Variants in DMD observed in about 807,000 individuals in gnomAD.
The protein encoded by DMD is mutant dystrophin.
A neutral mutation model predicts 330.1 loss-of-function variants in DMD; 63 were observed. The observed-to-expected ratio is 0.19, with a 90% CI of 0.16 to 0.24. The LOEUF (loss-of-function observed/expected upper bound fraction) is 0.24, where lower values mean the gene tolerates loss of function less well. DMD is among the 10% of genes least tolerant of loss of function. The pLI, the probability that DMD is intolerant of heterozygous loss-of-function variation, is 1.00. For missense variants in DMD, 3,344 were observed against 2,684.1 expected (o/e 1.25, Z -5.43); for synonymous variants, 1,223 against 959.8 (o/e 1.27, Z -5.07).
chrX:32,816,427 C>T, intron 6 of DMD, 41 bp downstream of exon 6: 1 of 1,197,580 alleles, frequency 8.4e-7, no homozygotes, highest in Non-Finnish European at 1.1e-6. Flanking sequence ...GTCTAAATCA[C>T]CACTTTTACA....
Position 32,491,477 on chromosome X carries a change from G to A in DMD, c.2422C>T (p.Leu808=), listed in dbSNP as rs1289380956. 8.3e-7 allele frequency: 1 copy of A among 1,210,871 alleles called. No individual in the cohort carries two copies. The highest frequency in any genetic ancestry group is 1.1e-6 in the Non-Finnish European group (1 of 894,906). The change falls in exon 20 of 79, where the codon CTG becomes TTG. Residue 808 remains leucine (L), a synonymous_variant. Coordinates refer to ENST00000357033, the MANE Select transcript of DMD (RefSeq NM_004006.3). The part of the protein sequence containing the change: ...ADSIKQASEQ[L]NSRWIEFCQL... Reference sequence around the variant, plus strand: ...CAGAATTCGATCCACCGGCTGTTCAGTTGTTCTGAGGCTTGTTTGATGCTA... The same window carrying A: ...CAGAATTCGATCCACCGGCTGTTCAATTGTTCTGAGGCTTGTTTGATGCTA...
intron 7 of DMD, among the ~76,000 whole-genome samples, chrX:32,710,955 A>T (rs12014978): frequency 0.059 from 6,613 of 111,287 alleles, 460 homozygotes; most frequent in African/African-American, 0.2. Context: ...TGGTATACAC[A>T]CATTTATAAA....
chrX:32,490,555 G>A (rs1451146179), intron 20 of DMD, among the ~76,000 whole-genome samples: 3 of 111,153 alleles, frequency 2.7e-5, no homozygotes, highest in African/African-American at 6.6e-5. Flanking sequence ...ACAAGATTCT[G>A]GAGGCAGGGA....
chrX:31,436,329 G>A (rs2064528156), intron 60 of DMD, among the ~76,000 whole-genome samples: 2 of 111,719 alleles, frequency 1.8e-5, no homozygotes, highest in Admixed American at 1.9e-4. Flanking sequence ...ATAATAATAT[G>A]CTTTTCATTC....
intron 60 of DMD, among the ~76,000 whole-genome samples, chrX:31,424,260 C>T (rs1432038844): frequency 5.4e-5 from 6 of 111,806 alleles, no homozygotes; most frequent in South Asian, 3.7e-4. Flanking sequence ...TGGAAACTTC[C>T]GTTTTTTGCT....
At chrX:32,792,719 A>C (rs904205367) in intron 7 of DMD, among the ~76,000 whole-genome samples, 4 of 112,303 alleles carry the variant, frequency 3.6e-5, no homozygotes, top group African/African-American at 6.5e-5. Flanking sequence ...ACAAACAATA[A>C]GGTCATTATA....
At chrX:32,656,670 C>T in intron 9 of DMD, among the ~76,000 whole-genome samples, 1 of 111,719 alleles carries the variant, frequency 9.0e-6, no homozygotes, top group South Asian at 3.7e-4. Flanking sequence ...AGTCATTTTG[C>T]TTCATCGTTT....
At chrX:31,130,418 A>C (rs1243282569) in intron 77 of DMD, among the ~76,000 whole-genome samples, 1 of 112,057 alleles carries the variant, frequency 8.9e-6, no homozygotes, top group Non-Finnish European at 1.9e-5. Context: ...AGATAGACAG[A>C]TTAGATAGAA....
At position 31,178,798 on chromosome X, in the gene DMD, G is replaced by C; in HGVS notation, c.10094C>G (p.Ser3365Ter). 1 of 1,210,418 alleles carries C rather than the reference G, an allele frequency of 8.3e-7. No homozygotes were observed. The highest frequency in any genetic ancestry group is 1.1e-6 in the Non-Finnish European group (1 of 894,428). ...GGCAAAGTCTCGAACATCTTCTCCTGATGTAGTCTAAAAGGGAGATCATGG... is the reference window on the plus strand; with the variant it reads ...GGCAAAGTCTCGAACATCTTCTCCTCATGTAGTCTAAAAGGGAGATCATGG... ...PMVEYCTPTT[S>*]GEDVRDFAKV... The change falls in exon 70 of 79, where the codon TCA (serine) becomes TGA (stop). Residue 3365 changes from serine (S) to a stop codon, truncating the protein, a stop_gained. Transcript: ENST00000357033. LOFTEE classifies it high-confidence loss of function.
At chrX:31,964,212 T>A (rs1288625933) in intron 45 of DMD, among the ~76,000 whole-genome samples, 4 of 110,956 alleles carry the variant, frequency 3.6e-5, no homozygotes, top group Non-Finnish European at 7.6e-5. Flanking sequence ...GGAAAAAAAA[T>A]AAAACAAATC....
intron 55 of DMD, among the ~76,000 whole-genome samples, chrX:31,512,979 C>G (rs1380295924): frequency 9.4e-6 from 1 of 106,342 alleles, no homozygotes; most frequent in African/African-American, 3.5e-5. Flanking sequence ...ATGGAATGTT[C>G]TTCCATTTGT....
intron 44 of DMD, among the ~76,000 whole-genome samples, chrX:32,194,406 T>C (rs2096989224): frequency 8.9e-6 from 1 of 112,272 alleles, no homozygotes; most frequent in African/African-American, 3.2e-5. Flanking sequence ...ATTACCGTAA[T>C]TGAGTTTTGC....
intron 1 of DMD, among the ~76,000 whole-genome samples, chrX:33,314,357 A>G (rs1261360370): frequency 9.2e-6 from 1 of 108,887 alleles, no homozygotes; most frequent in African/African-American, 3.3e-5. Context: ...TCCCAGGCCC[A>G]AGCAATTCTG....
intron 1 of DMD, among the ~76,000 whole-genome samples, chrX:33,260,319 T>A (rs1196147435): frequency 1.8e-5 from 2 of 110,924 alleles, no homozygotes; most frequent in South Asian, 3.7e-4. Context: ...AAAAAGATTT[T>A]AAAAAAATTC....
intron 41 of DMD, among the ~76,000 whole-genome samples, chrX:32,324,202 A>T (rs1018021595): frequency 8.9e-6 from 1 of 111,773 alleles, no homozygotes; most frequent in Non-Finnish European, 1.9e-5. Context: ...TACCCTAACT[A>T]TCCTGACTTA....
chrX:31,558,296 C>T (rs916548212), intron 55 of DMD, among the ~76,000 whole-genome samples: 1 of 111,404 alleles, frequency 9.0e-6, no homozygotes. Context: ...TAGTCTCCAC[C>T]TGAGAGCTTA....
At chrX:31,741,565 A>G (rs2087339904) in intron 51 of DMD, among the ~76,000 whole-genome samples, 3 of 111,012 alleles carry the variant, frequency 2.7e-5, no homozygotes, top group African/African-American at 9.8e-5. Context: ...TGAAAGACAC[A>G]TTTTTTTGAG....
chrX:32,180,032 T>C lies in DMD; in HGVS notation c.6438+36884A>G, dbSNP rs767756397. ...ACTAATACATAGGATTATTGAGAAATATACATCAAATATAAAATGTGATTT... is the reference window on the plus strand; with the variant it reads ...ACTAATACATAGGATTATTGAGAAACATACATCAAATATAAAATGTGATTT... On this transcript the variant is annotated intron_variant, in intron 44 of 78. Transcript: ENST00000357033. Among the ~76,000 whole-genome samples the C allele has an allele frequency of 2.7e-5, 3 of 111,963 alleles. No individual in the cohort carries two copies. The East Asian group carries it at 8.5e-4, about 32-fold the overall frequency.
intron 67 of DMD, among the ~76,000 whole-genome samples, chrX:31,200,585 G>A (rs2043336057): frequency 8.9e-6 from 1 of 112,077 alleles, no homozygotes; most frequent in Non-Finnish European, 1.9e-5. Context: ...AGGAGAAGCT[G>A]TTTCATGATA....
Sources: allele counts gnomAD v4.1 joint callset (sites outside exome capture counted in the v4.1 genomes callset), GRCh38; gene constraint gnomAD v4.1.1; transcripts MANE v1.5; gene names NCBI Gene and HGNC (gene_info 2026-07-23, HGNC 2026-07-21).